ITSN1: variants seen among roughly 807,000 people sequenced by gnomAD.
ITSN1 encodes intersectin-1.
ITSN1 carries 58 observed loss-of-function variants against 239.8 expected under a neutral mutation model. The observed-to-expected ratio is 0.24, with a 90% CI of 0.20 to 0.30. The LOEUF (loss-of-function observed/expected upper bound fraction) is 0.30, where lower values mean the gene tolerates loss of function less well. Among genes scored for constraint, ITSN1 ranks in the 10% least tolerant of loss-of-function variants. ITSN1 has a pLI of 1.00. For synonymous variants in ITSN1, 780 were observed against 770.8 expected (o/e 1.01, Z -0.20); for missense variants, 1,558 against 2,103.3 (o/e 0.74, Z 5.07).
intron 33 of ITSN1, among the ~76,000 whole-genome samples, chr21:33,873,282 C>T (rs1983060049): frequency 6.6e-6 from 1 of 152,232 alleles, no homozygotes. Context: ...AGAGTCAGGG[C>T]CATTTACATT....
chr21:33,664,080 C>T (rs1233934560), intron 1 of ITSN1, among the ~76,000 whole-genome samples: 1 of 152,218 alleles, frequency 6.6e-6, no homozygotes, highest in Non-Finnish European at 1.5e-5. Context: ...TGGAGCCAAG[C>T]TGCTCAGCTA....
At chr21:33,693,839 A>G (rs2091669524) in intron 1 of ITSN1, among the ~76,000 whole-genome samples, 1 of 152,234 alleles carries the variant, frequency 6.6e-6, no homozygotes, top group Admixed American at 6.5e-5. Context: ...ATCTGATACA[A>G]TGTGTACGAA....
At chr21:33,769,335 A>C (rs1408591118) in intron 11 of ITSN1, among the ~76,000 whole-genome samples, 1 of 152,220 alleles carries the variant, frequency 6.6e-6, no homozygotes, top group Non-Finnish European at 1.5e-5. Flanking sequence ...TGCCTCCTAC[A>C]TACTAGGAAT....
intron 1 of ITSN1, among the ~76,000 whole-genome samples, chr21:33,650,000 G>A (rs2088357161): frequency 6.8e-6 from 1 of 146,542 alleles, no homozygotes; most frequent in Admixed American, 6.9e-5. Flanking sequence ...TTACACTCCA[G>A]CCTTGGCGAC....
intron 8 of ITSN1, 99 bp from the exon 9 acceptor site, chr21:33,761,824 T>C: frequency 1.3e-6 from 1 of 796,578 alleles, no homozygotes; most frequent in South Asian, 1.6e-5. Flanking sequence ...TGTGATTGCA[T>C]GAGGTCATGG....
At position 33,693,788 on chromosome 21, in the gene ITSN1, C is replaced by G. The variant is rs539932904; in HGVS notation, c.-32-25009C>G. On this transcript the variant is annotated intron_variant, in intron 1 of 39. Coordinates refer to ENST00000381318, the MANE Select transcript of ITSN1 (RefSeq NM_003024.3). ...CAGTCAGGGTTGGTAGCTTTTTTCT[C>G]TGGGCTTTCACAGTCCTGTGGAAGG... Among the ~76,000 whole-genome samples, 6 of 152,312 alleles carry G rather than the reference C, an allele frequency of 3.9e-5. No homozygotes were observed. In the South Asian group the frequency reaches 1.2e-3, roughly 32 times the overall value.
At chr21:33,767,655 C>G in intron 10 of ITSN1, 58 bp from the exon 11 acceptor site, 3 of 913,320 alleles carry the variant, frequency 3.3e-6, no homozygotes, top group Non-Finnish European at 5.1e-6. Flanking sequence ...CATAACTTGT[C>G]CAACTCCACC....
intron 1 of ITSN1, among the ~76,000 whole-genome samples, chr21:33,708,969 G>A (rs1379107381): frequency 6.6e-6 from 1 of 152,130 alleles, no homozygotes; most frequent in East Asian, 1.9e-4. Flanking sequence ...TTAACCAAAC[G>A]GGTAGGTCTT....
chr21:33,696,913 A>C (rs1305995816), intron 1 of ITSN1, among the ~76,000 whole-genome samples: 1 of 152,176 alleles, frequency 6.6e-6, no homozygotes, highest in African/African-American at 2.4e-5. Context: ...CCCAGAGATA[A>C]AGGTGACAGT....
intron 1 of ITSN1, among the ~76,000 whole-genome samples, chr21:33,648,691 A>G (rs1053686896): frequency 8.5e-5 from 13 of 152,134 alleles, no homozygotes; most frequent in African/African-American, 3.1e-4. Context: ...AATTTTTTAA[A>G]AAGTAGCCCA....
At position 33,705,635 on chromosome 21, in the gene ITSN1, G is replaced by A. The variant is rs182692176; in HGVS notation, c.-32-13162G>A. On this transcript the variant is annotated intron_variant, in intron 1 of 39. Transcript: ENST00000381318. Reference sequence around the variant, plus strand: ...TCTTGATCTCCTGACCTCATGATCCGCCCGCCTCAGCCTCCCAAAGTGCTG... The same window carrying A: ...TCTTGATCTCCTGACCTCATGATCCACCCGCCTCAGCCTCCCAAAGTGCTG... Among the ~76,000 whole-genome samples the A allele has an allele frequency of 4.6e-3, 685 of 149,644 alleles. 9 individuals carry two copies. Among genetic ancestry groups the A allele is most frequent in the African/African-American group, 0.015 (632 of 40,914 alleles).
At chr21:33,811,483 C>G (rs1019250399) in intron 21 of ITSN1, among the ~76,000 whole-genome samples, 2 of 152,172 alleles carry the variant, frequency 1.3e-5, no homozygotes, top group African/African-American at 2.4e-5. Context: ...GTATTTGTAT[C>G]TATCATTCTT....
At chr21:33,662,443 A>G (rs560767956) in intron 1 of ITSN1, among the ~76,000 whole-genome samples, 1 of 152,338 alleles carries the variant, frequency 6.6e-6, no homozygotes, top group South Asian at 2.1e-4. Flanking sequence ...GAACCTTCTT[A>G]TACCTAATTA....
At chr21:33,771,992 G>T in intron 11 of ITSN1, 69 bp from the exon 12 acceptor site, 1 of 1,545,676 alleles carries the variant, frequency 6.5e-7, no homozygotes. Context: ...ATACATTGGT[G>T]AGTTTTCCTT....
At chr21:33,683,604 G>A (rs1344012043) in intron 1 of ITSN1, among the ~76,000 whole-genome samples, 5 of 152,108 alleles carry the variant, frequency 3.3e-5, no homozygotes, top group Non-Finnish European at 7.4e-5. Context: ...TTTGTTCTCG[G>A]TAGAGATCTG....
chr21:33,698,649 A>C (rs1030577378), intron 1 of ITSN1, among the ~76,000 whole-genome samples: 1 of 152,140 alleles, frequency 6.6e-6, no homozygotes, highest in African/African-American at 2.4e-5. Flanking sequence ...CAGGTTGGCT[A>C]TATGTTTGGG....
At chr21:33,851,988 A>G (rs1176302430) in intron 29 of ITSN1, among the ~76,000 whole-genome samples, 1 of 150,956 alleles carries the variant, frequency 6.6e-6, no homozygotes, top group Non-Finnish European at 1.5e-5. Flanking sequence ...GTCTCTCACT[A>G]TGTTGCCCAG....
At chr21:33,658,210 C>T (rs2089254210) in intron 1 of ITSN1, among the ~76,000 whole-genome samples, 2 of 152,114 alleles carry the variant, frequency 1.3e-5, no homozygotes, top group African/African-American at 2.4e-5. Flanking sequence ...AGTGGGTCAT[C>T]ATAACATTCT....
At position 33,750,327 on chromosome 21, in the gene ITSN1, G is replaced by C; in HGVS notation, c.526+5G>C. ...TGCCTGCATTTGCTCATCCTGGTATGTGACTTGCTGAAACCATAGGCTGAG... is the reference window on the plus strand; with the variant it reads ...TGCCTGCATTTGCTCATCCTGGTATCTGACTTGCTGAAACCATAGGCTGAG... On this transcript the variant is annotated splice_donor_5th_base_variant and intron_variant, in intron 6 of 39. Coordinates refer to ENST00000381318, the MANE Select transcript of ITSN1 (RefSeq NM_003024.3). The C allele has an allele frequency of 6.2e-7, 1 of 1,612,132 alleles. No individual in the cohort carries two copies. Among genetic ancestry groups the C allele is most frequent in the Non-Finnish European group, 8.5e-7 (1 of 1,179,578 alleles).
Sources: gnomAD v4.1 joint callset for allele counts (sites outside exome capture counted in the v4.1 genomes callset) on GRCh38, gnomAD v4.1.1 for gene constraint, MANE v1.5 for transcripts, NCBI Gene and HGNC (gene_info 2026-07-23, HGNC 2026-07-21) for gene names.